DYNC1I1: variants seen among roughly 807,000 people sequenced by gnomAD.
DYNC1I1 encodes cytoplasmic dynein 1 intermediate chain 1.
In DYNC1I1, 43 loss-of-function variants were observed where a neutral mutation model predicts 86.6. The ratio of observed to expected loss-of-function variants is 0.50; its 90% CI spans 0.39 to 0.64. DYNC1I1 has a LOEUF of 0.64. DYNC1I1 is among the 30% of genes least tolerant of loss of function. DYNC1I1 has a pLI of 0.00. For missense variants in DYNC1I1, 604 were observed against 788.8 expected (o/e 0.77, Z 2.81); for synonymous variants, 262 against 283.7 (o/e 0.92, Z 0.77).
At chr7:95,964,763 G>T (rs1792965303) in intron 6 of DYNC1I1, among the ~76,000 whole-genome samples, 1 of 152,206 alleles carries the variant, frequency 6.6e-6, no homozygotes, top group African/African-American at 2.4e-5. Flanking sequence ...ATGGTGGTAT[G>T]TTGCTATATT....
intron 3 of DYNC1I1, 95 bp from the exon 4 acceptor site, chr7:95,813,152 T>C (rs747475314): frequency 1.9e-6 from 3 of 1,606,534 alleles, no homozygotes; most frequent in South Asian, 1.1e-5. Context: ...CCACTTTAAT[T>C]TGGGCCCATT....
intron 16 of DYNC1I1, among the ~76,000 whole-genome samples, chr7:96,109,744 GA>G (rs1260930386): frequency 6.6e-6 from 1 of 152,074 alleles, no homozygotes; most frequent in Non-Finnish European, 1.5e-5. Context: ...TATAGTCAGA[GA>G]ATATAATGTA....
intron 10 of DYNC1I1, among the ~76,000 whole-genome samples, chr7:96,010,025 C>A (rs895352245): frequency 6.6e-6 from 1 of 152,052 alleles, no homozygotes; most frequent in African/African-American, 2.4e-5. Flanking sequence ...GTGATCCACC[C>A]GTCTCGGCCT....
chr7:95,984,856 C>G lies in DYNC1I1; in HGVS notation c.622C>G (p.Leu208Val). ...ELTEEEKQQI[L>V]HSEEFLIFFD... is the part of the protein sequence containing the mutation. ...GACAGAGGAAGAAAAACAGCAGATC[C>G]TTCATTCAGAGGAATTTCTCATCTT... Residue 208 changes from leucine to valine, a missense_variant, in exon 8 of 17, where the codon CTT (leucine) becomes GTT (valine). Physicochemically the swap from Leu to Val is conservative, Grantham distance 32 (BLOSUM62 1). Coordinates refer to ENST00000447467, the MANE Select transcript of DYNC1I1 (RefSeq NM_001135556.2). The G allele has an allele frequency of 6.2e-7, 1 of 1,612,784 alleles. No homozygotes were observed. Among genetic ancestry groups the G allele is most frequent in the Non-Finnish European group, 8.5e-7 (1 of 1,179,482 alleles).
intron 10 of DYNC1I1, among the ~76,000 whole-genome samples, chr7:96,011,105 CTGACGAA>C (rs1034759184): frequency 6.6e-6 from 1 of 152,110 alleles, no homozygotes; most frequent in Non-Finnish European, 1.5e-5. Flanking sequence ...TGTATTTGAC[CTGACGAA>C]TGTAAACACA....
At chr7:95,794,433 C>G (rs951278701) in intron 1 of DYNC1I1, among the ~76,000 whole-genome samples, 4 of 152,158 alleles carry the variant, frequency 2.6e-5, no homozygotes, top group Non-Finnish European at 5.9e-5. Flanking sequence ...AGTTTCCTTT[C>G]CAAAGAGAAG....
chr7:95,818,179 A>C (rs1242607610), intron 4 of DYNC1I1, among the ~76,000 whole-genome samples: 1 of 150,766 alleles, frequency 6.6e-6, no homozygotes, highest in African/African-American at 2.4e-5. Flanking sequence ...AGTGTCATGG[A>C]GGGTAGTAAT....
At chr7:95,939,928 G>T (rs1255854981) in intron 6 of DYNC1I1, among the ~76,000 whole-genome samples, 2 of 152,102 alleles carry the variant, frequency 1.3e-5, no homozygotes, top group African/African-American at 4.8e-5. Flanking sequence ...TTTTGCAGTG[G>T]CTGGTACCAA....
chr7:95,920,330 C>A (rs989944193), intron 6 of DYNC1I1, among the ~76,000 whole-genome samples: 1 of 152,176 alleles, frequency 6.6e-6, no homozygotes, highest in Admixed American at 6.5e-5. Flanking sequence ...AAATACCTGA[C>A]CTGTTTTCCC....
At chr7:95,885,761 A>G (rs1050534729) in intron 6 of DYNC1I1, among the ~76,000 whole-genome samples, 1 of 152,220 alleles carries the variant, frequency 6.6e-6, no homozygotes, top group Non-Finnish European at 1.5e-5. Flanking sequence ...TGCTAGGATT[A>G]CAGATGTAAG....
Position 96,001,249 on chromosome 7 carries a change from G to A in DYNC1I1, c.969+5176G>A, listed in dbSNP as rs532405892. Among the ~76,000 whole-genome samples, 5 of 152,234 alleles carry A rather than the reference G, an allele frequency of 3.3e-5. No homozygotes were observed. The East Asian group carries it at 9.7e-4, about 29-fold the overall frequency. On this transcript the variant is annotated intron_variant, in intron 10 of 16. Coordinates refer to ENST00000447467, the MANE Select transcript of DYNC1I1 (RefSeq NM_001135556.2). ...GATGCTGTGCAGTGAGAGCCAGATT[G>A]CAATATGAGCACGTTTGCTGTCTTG...
At chr7:96,018,309 T>C (rs2115892485) in intron 10 of DYNC1I1, among the ~76,000 whole-genome samples, 1 of 152,304 alleles carries the variant, frequency 6.6e-6, no homozygotes, top group East Asian at 1.9e-4. Flanking sequence ...AGTATATTGG[T>C]GTCAAAGTCA....
At chr7:96,054,918 C>G (rs1354091642) in intron 14 of DYNC1I1, among the ~76,000 whole-genome samples, 1 of 152,132 alleles carries the variant, frequency 6.6e-6, no homozygotes, top group East Asian at 1.9e-4. Flanking sequence ...TGTAGGCTGC[C>G]TGTTCACTCT....
In DYNC1I1 at chr7:95,989,929, T is replaced by G. The variant is rs555899945; in HGVS notation, c.843+2774T>G. 2.6e-5 allele frequency among the ~76,000 whole-genome samples: 4 copies of G among 152,248 alleles called. 1 individual carries two copies. In the South Asian group the frequency reaches 8.3e-4, roughly 32 times the overall value. ...AAAGAGACTTTTTGATGGATTTAGA[T>G]GCAATCGAATGATATTAAGAAAGAA... On this transcript the variant is annotated intron_variant, in intron 9 of 16. Transcript: ENST00000447467.
At chr7:95,953,356 G>T (rs1792611059) in intron 6 of DYNC1I1, among the ~76,000 whole-genome samples, 1 of 151,684 alleles carries the variant, frequency 6.6e-6, no homozygotes, top group Non-Finnish European at 1.5e-5. Context: ...TATGTGAGTG[G>T]AACAGCATTT....
chr7:95,817,411 C>T (rs965572125), intron 4 of DYNC1I1, among the ~76,000 whole-genome samples: 1 of 152,046 alleles, frequency 6.6e-6, no homozygotes, highest in Non-Finnish European at 1.5e-5. Flanking sequence ...TAATCTCTAA[C>T]AGTAGTTGAT....
intron 11 of DYNC1I1, among the ~76,000 whole-genome samples, chr7:96,030,797 G>A (rs990209974): frequency 1.2e-4 from 18 of 152,076 alleles, no homozygotes; most frequent in Non-Finnish European, 2.1e-4. Flanking sequence ...AGCATGCTGT[G>A]TGGCTCCGGG....
At chr7:95,927,296 T>G (rs879299252) in intron 6 of DYNC1I1, among the ~76,000 whole-genome samples, 12 of 152,040 alleles carry the variant, frequency 7.9e-5, no homozygotes, top group Admixed American at 7.9e-4. Context: ...CTTCAAAAAG[T>G]TGTCAGTCTA....
intron 3 of DYNC1I1, among the ~76,000 whole-genome samples, chr7:95,811,824 A>G (rs962485571): frequency 1.3e-5 from 2 of 152,168 alleles, no homozygotes; most frequent in Non-Finnish European, 2.9e-5. Flanking sequence ...AGTTAGACAC[A>G]TTGCAATCAA....
Sources: gnomAD v4.1 joint callset for allele counts (sites outside exome capture counted in the v4.1 genomes callset) on GRCh38, gnomAD v4.1.1 for gene constraint, MANE v1.5 for transcripts, NCBI Gene and HGNC (gene_info 2026-07-23, HGNC 2026-07-21) for gene names.